FTO: variants seen among roughly 807,000 people sequenced by gnomAD.
FTO encodes the protein FTO alpha-ketoglutarate dependent dioxygenase, also known as alpha-ketoglutarate-dependent dioxygenase FTO.
A neutral mutation model predicts 63.9 loss-of-function variants in FTO; 47 were observed. The ratio of observed to expected loss-of-function variants is 0.74; its 90% CI spans 0.58 to 0.94. FTO has a LOEUF of 0.94. Among genes scored for constraint, FTO ranks in the 40% least tolerant of loss-of-function variants. The pLI, the probability that FTO is intolerant of heterozygous loss-of-function variation, is 0.00. For missense variants in FTO, 562 were observed against 618.1 expected, an observed-to-expected ratio of 0.91 and a Z score of 0.96; for synonymous variants, 207 against 224.4, an observed-to-expected ratio of 0.92 and a Z score of 0.69.
intron 1 of FTO, among the ~76,000 whole-genome samples, chr16:53,730,958 C>T (rs2076257861): frequency 6.6e-6 from 1 of 152,090 alleles, no homozygotes; most frequent in Non-Finnish European, 1.5e-5. Flanking sequence ...TTTGTATGTG[C>T]ATTTTTAAAT....
chr16:53,980,017 C>T (rs2083506613), intron 8 of FTO, among the ~76,000 whole-genome samples: 3 of 152,290 alleles, frequency 2.0e-5, no homozygotes, highest in Middle Eastern at 3.4e-3. Flanking sequence ...ACCAGTAAAA[C>T]ACTCATGGCT....
intron 8 of FTO, among the ~76,000 whole-genome samples, chr16:54,082,021 A>G (rs1161237369): frequency 6.6e-6 from 1 of 152,192 alleles, no homozygotes; most frequent in Non-Finnish European, 1.5e-5. Flanking sequence ...CCCGTCAGAC[A>G]GGGGGCAATA....
intron 2 of FTO, among the ~76,000 whole-genome samples, chr16:53,811,915 C>T (rs1046838690): frequency 2.6e-5 from 4 of 152,104 alleles, no homozygotes; most frequent in Admixed American, 6.6e-5. Flanking sequence ...TGGGCCCATG[C>T]GATTCTCCCA....
chr16:53,784,177 A>T (rs1157834812), intron 1 of FTO, among the ~76,000 whole-genome samples: 1 of 152,222 alleles, frequency 6.6e-6, no homozygotes. Flanking sequence ...ATCCTTAAAG[A>T]TTCTATGTAC....
intron 7 of FTO, among the ~76,000 whole-genome samples, chr16:53,929,586 A>C (rs1459996685): frequency 2.6e-5 from 4 of 152,234 alleles, no homozygotes; most frequent in Non-Finnish European, 5.9e-5. Context: ...TCATATGCTA[A>C]ACGTATGTTT....
intron 1 of FTO, among the ~76,000 whole-genome samples, chr16:53,746,156 T>C (rs2076647122): frequency 6.6e-6 from 1 of 152,208 alleles, no homozygotes; most frequent in Non-Finnish European, 1.5e-5. Context: ...TCCTTGCAGT[T>C]AGGTAGGATC....
At chr16:53,871,886 C>A (rs1477542068) in intron 4 of FTO, among the ~76,000 whole-genome samples, 1 of 151,968 alleles carries the variant, frequency 6.6e-6, no homozygotes, top group Admixed American at 6.6e-5. Context: ...GCCACCATGC[C>A]CAGCGAATTT....
chr16:53,817,182 G>T (rs1168126636), intron 2 of FTO, among the ~76,000 whole-genome samples: 1 of 152,208 alleles, frequency 6.6e-6, no homozygotes, highest in Non-Finnish European at 1.5e-5. Flanking sequence ...ATGAAATGAA[G>T]TATTGAATGA....
intron 8 of FTO, among the ~76,000 whole-genome samples, chr16:54,019,431 C>T (rs6499669): frequency 0.52 from 78,338 of 152,050 alleles, 22,369 homozygotes; most frequent in African/African-American, 0.76. Context: ...ACTCATAGAA[C>T]CATATACATT....
chr16:53,952,069 T>C, intron 8 of FTO, among the ~76,000 whole-genome samples: 1 of 152,218 alleles, frequency 6.6e-6, no homozygotes, highest in East Asian at 1.9e-4. Context: ...TGCCAGGTAC[T>C]ATTCTACGTG....
intron 4 of FTO, among the ~76,000 whole-genome samples, chr16:53,852,352 G>A (rs1474679349): frequency 6.6e-6 from 1 of 152,030 alleles, no homozygotes; most frequent in African/African-American, 2.4e-5. Context: ...TGCCAAATTT[G>A]GCTAGTTAAC....
At chr16:53,950,821 G>A (rs548793292) in intron 8 of FTO, among the ~76,000 whole-genome samples, 13 of 152,258 alleles carry the variant, frequency 8.5e-5, no homozygotes, top group African/African-American at 2.4e-4. Context: ...TTAATTATCC[G>A]TGGATAATGG....
intron 5 of FTO, among the ~76,000 whole-genome samples, chr16:53,878,758 A>G (rs1249588935): frequency 6.6e-6 from 1 of 152,206 alleles, no homozygotes; most frequent in Non-Finnish European, 1.5e-5. Flanking sequence ...ACATATGATC[A>G]TTTATAAAAA....
At chr16:53,727,349 C>G (rs554409109) in intron 1 of FTO, among the ~76,000 whole-genome samples, 21 of 152,252 alleles carry the variant, frequency 1.4e-4, no homozygotes, top group African/African-American at 4.8e-4. Context: ...ACTTTGGTCT[C>G]TATGTAGTGT....
intron 8 of FTO, among the ~76,000 whole-genome samples, chr16:53,990,219 C>A (rs189660997): frequency 6.6e-6 from 1 of 152,220 alleles, no homozygotes; most frequent in Non-Finnish European, 1.5e-5. Context: ...TCAGGTAGTA[C>A]CTGTAGCATG....
chr16:53,987,771 C>G (rs2083706940), intron 8 of FTO, among the ~76,000 whole-genome samples: 1 of 152,012 alleles, frequency 6.6e-6, no homozygotes, highest in African/African-American at 2.4e-5. Context: ...TTTGGTAAAG[C>G]CATTTTACTC....
intron 1 of FTO, among the ~76,000 whole-genome samples, chr16:53,791,799 C>T (rs2077920189): frequency 6.6e-6 from 1 of 152,258 alleles, no homozygotes; most frequent in South Asian, 2.1e-4. Context: ...ATAGGCCGGG[C>T]GCGGTGGCTC....
At chr16:53,925,549 A>C (rs1296569216) in intron 7 of FTO, among the ~76,000 whole-genome samples, 1 of 152,104 alleles carries the variant, frequency 6.6e-6, no homozygotes, top group Non-Finnish European at 1.5e-5. Context: ...TTCCTTAGAC[A>C]ACATTCTTTG....
intron 2 of FTO, among the ~76,000 whole-genome samples, chr16:53,818,439 GAA>G (rs1199444797): frequency 3.9e-5 from 6 of 152,144 alleles, no homozygotes; most frequent in African/African-American, 1.2e-4. Flanking sequence ...AGAGCCATCA[GAA>G]AGAATCTCTT....
Sources: allele counts gnomAD v4.1 joint callset (sites outside exome capture counted in the v4.1 genomes callset), GRCh38; gene constraint gnomAD v4.1.1; transcripts MANE v1.5; gene names NCBI Gene and HGNC (gene_info 2026-07-23, HGNC 2026-07-21).